MBD5: variants seen among roughly 807,000 people sequenced by gnomAD.
MBD5 encodes methyl-CpG-binding domain protein 5.
MBD5 carries 13 observed loss-of-function variants against 117.3 expected under a neutral mutation model. The ratio of observed to expected loss-of-function variants is 0.11; its 90% CI spans 0.07 to 0.18. MBD5 has a LOEUF of 0.18. Among genes scored for constraint, MBD5 ranks in the 10% least tolerant of loss-of-function variants. The probability of loss-of-function intolerance (pLI) is 1.00; values close to 1 mark genes in which losing one functional copy is unlikely to be tolerated. For missense variants in MBD5, 1,879 were observed against 2,093.8 expected (o/e 0.90, Z 2.00); for synonymous variants, 727 against 766.4 (o/e 0.95, Z 0.85).
At chr2:148,386,296 A>G (rs1004954757) in intron 4 of MBD5, among the ~76,000 whole-genome samples, 8 of 152,218 alleles carry the variant, frequency 5.3e-5, no homozygotes, top group Non-Finnish European at 7.3e-5. Context: ...CTTAATTTGA[A>G]AGACCATAAA....
At chr2:148,222,252 G>A (rs940890573) in intron 2 of MBD5, among the ~76,000 whole-genome samples, 1 of 151,896 alleles carries the variant, frequency 6.6e-6, no homozygotes, top group East Asian at 1.9e-4. Flanking sequence ...AATTTTCTGT[G>A]GTTCCATATA....
At chr2:148,069,661 CTTAATTAA>C (rs141510869) in intron 1 of MBD5, among the ~76,000 whole-genome samples, 3,993 of 151,806 alleles carry the variant, frequency 0.026, 100 homozygotes, top group African/African-American at 0.068. Context: ...TTTTTAATGT[CTTAATTAA>C]TTAATTAATT....
At chr2:148,184,160 T>C (rs1249032565) in intron 2 of MBD5, among the ~76,000 whole-genome samples, 1 of 151,788 alleles carries the variant, frequency 6.6e-6, no homozygotes, top group Non-Finnish European at 1.5e-5. Flanking sequence ...TGCAGACACA[T>C]GCCACCACGC....
At chr2:148,292,411 T>C (rs188383771) in intron 3 of MBD5, among the ~76,000 whole-genome samples, 109 of 152,302 alleles carry the variant, frequency 7.2e-4, no homozygotes, top group African/African-American at 2.5e-3. Context: ...GCAAAAGATT[T>C]GATTCAATAG....
chr2:148,503,956 A>G (rs1363483808), intron 12 of MBD5, among the ~76,000 whole-genome samples: 1 of 152,220 alleles, frequency 6.6e-6, no homozygotes, highest in African/African-American at 2.4e-5. Context: ...GAAACATGCC[A>G]GTTACTTGGA....
chr2:148,346,828 A>G (rs1703134628), intron 4 of MBD5: 1 of 151,714 alleles, frequency 6.6e-6, no homozygotes. Flanking sequence ...GCTTAAATCT[A>G]TCATCTTTTT....
chr2:148,314,984 C>T lies in MBD5; in HGVS notation c.-679-27230C>T, dbSNP rs547468122. 2.0e-5 allele frequency among the ~76,000 whole-genome samples: 3 copies of T among 152,254 alleles called. No individual in the cohort carries two copies. The South Asian group carries it at 6.2e-4, about 32-fold the overall frequency. ...TATTGTTCATGGATATTTCATGAGACATTAAACAAAGCTACCCATTATCTT... is the reference window on the plus strand; with the variant it reads ...TATTGTTCATGGATATTTCATGAGATATTAAACAAAGCTACCCATTATCTT... On this transcript the variant is annotated intron_variant, in intron 3 of 13. Coordinates refer to ENST00000642680, the MANE Select transcript of MBD5 (RefSeq NM_001378120.1).
At chr2:148,298,775 T>C (rs1701714166) in intron 3 of MBD5, among the ~76,000 whole-genome samples, 1 of 152,242 alleles carries the variant, frequency 6.6e-6, no homozygotes, top group African/African-American at 2.4e-5. Flanking sequence ...GTCAGTAAAT[T>C]ACAGCATCCT....
chr2:148,459,557 TGTAA>T (rs1481262147), intron 5 of MBD5, among the ~76,000 whole-genome samples: 2 of 152,204 alleles, frequency 1.3e-5, no homozygotes, highest in African/African-American at 2.4e-5. Context: ...ATAGTTTTTC[TGTAA>T]GTGTCTGAAA....
rs561752373 is a variant in MBD5, at chr2:148,278,794, C to T, written c.-680+45399C>T. ...GGAAAGCCAAAATACTCACTCAGTC[C>T]AAGTATGAAGGCCTCAGAACCAAAG... On this transcript the variant is annotated intron_variant, in intron 3 of 13. Coordinates refer to ENST00000642680, the MANE Select transcript of MBD5 (RefSeq NM_001378120.1). Among the ~76,000 whole-genome samples the T allele has an allele frequency of 1.0e-3, 157 of 152,178 alleles. 2 individuals carry two copies. In the South Asian group the frequency reaches 0.031, roughly 31 times the overall value.
intron 1 of MBD5, among the ~76,000 whole-genome samples, chr2:148,060,156 A>AAAAAAAAAAAAC (rs1694989348): frequency 6.8e-6 from 1 of 146,614 alleles, no homozygotes. Flanking sequence ...AAAAAAAAAA[A>AAAAAAAAAAAAC]AAAAAAGCCA....
At chr2:148,139,260 G>T (rs1697248207) in intron 1 of MBD5, among the ~76,000 whole-genome samples, 1 of 152,038 alleles carries the variant, frequency 6.6e-6, no homozygotes, top group Admixed American at 6.6e-5. Flanking sequence ...AGGCTGGAGT[G>T]CAGTGACGCA....
chr2:148,474,448 C>T (rs923597084), intron 8 of MBD5, among the ~76,000 whole-genome samples: 5 of 152,034 alleles, frequency 3.3e-5, no homozygotes, highest in African/African-American at 1.2e-4. Flanking sequence ...TACCTTCTTC[C>T]AATATGATAA....
intron 4 of MBD5, among the ~76,000 whole-genome samples, chr2:148,353,700 C>G (rs1409690585): frequency 6.6e-6 from 1 of 152,036 alleles, no homozygotes; most frequent in Non-Finnish European, 1.5e-5. Flanking sequence ...CCCACCTCAG[C>G]CTCCCAAGTA....
intron 4 of MBD5, among the ~76,000 whole-genome samples, chr2:148,426,335 C>T (rs1175729414): frequency 7.9e-5 from 12 of 152,108 alleles, no homozygotes; most frequent in Non-Finnish European, 1.3e-4. Context: ...AAAGAGCCCG[C>T]ATCGCAAAGT....
intron 4 of MBD5, among the ~76,000 whole-genome samples, chr2:148,344,519 C>T (rs1703036828): frequency 6.6e-6 from 1 of 151,792 alleles, no homozygotes; most frequent in Non-Finnish European, 1.5e-5. Context: ...TCCTTGTAGA[C>T]AGACATCTTT....
chr2:148,362,671 A>T (rs1465791826), intron 4 of MBD5, among the ~76,000 whole-genome samples: 1 of 150,462 alleles, frequency 6.6e-6, no homozygotes. Context: ...TGGGTCCCTG[A>T]CCCCCGTGCC....
At chr2:148,382,826 G>A (rs1574359915) in intron 4 of MBD5, among the ~76,000 whole-genome samples, 2 of 152,074 alleles carry the variant, frequency 1.3e-5, no homozygotes, top group Non-Finnish European at 2.9e-5. Flanking sequence ...CAACTACATG[G>A]AAACTGAACA....
chr2:148,025,289 A>G (rs1693862195), intron 1 of MBD5: 1 of 152,190 alleles, frequency 6.6e-6, no homozygotes, highest in Admixed American at 6.5e-5. Flanking sequence ...AATAAATTTT[A>G]TATTAACTAA....
Sources: allele counts gnomAD v4.1 joint callset (sites outside exome capture counted in the v4.1 genomes callset), GRCh38; gene constraint gnomAD v4.1.1; transcripts MANE v1.5; gene names NCBI Gene and HGNC (gene_info 2026-07-23, HGNC 2026-07-21).